CAST: variants seen among roughly 807,000 people sequenced by gnomAD.
CAST encodes calpastatin.
Under a neutral mutation model 119.6 loss-of-function variants are expected in CAST, and 76 were observed. That is an observed-to-expected ratio of 0.64 (90% CI 0.53 to 0.77). The LOEUF is 0.77. Ranked by LOEUF, CAST falls within the 30% of genes least tolerant of loss-of-function variation. The pLI is 0.00. For missense variants in CAST, 953 were observed against 946.5 expected (o/e 1.01, Z -0.09); for synonymous variants, 319 against 331.6 (o/e 0.96, Z 0.41).
the CAST span, among the ~76,000 whole-genome samples, chr5:96,159,211 G>T: frequency 6.6e-6 from 1 of 152,284 alleles, no homozygotes; most frequent in African/African-American, 2.4e-5. Flanking sequence ...ATATGGTCAA[G>T]GCATTTGCAT....
At chr5:95,980,647 A>T in the CAST span, 1 of 152,200 alleles carries the variant, frequency 6.6e-6, no homozygotes, top group African/African-American at 2.4e-5. Flanking sequence ...AGGCATGGAA[A>T]TACCTGCAGG....
chr5:96,046,959 C>G, the CAST span, among the ~76,000 whole-genome samples: 43 of 152,236 alleles, frequency 2.8e-4, no homozygotes, highest in Middle Eastern at 3.4e-3. Flanking sequence ...AATTACCTCC[C>G]CCTGGGTCCC....
chr5:96,095,785 C>A, the CAST span, among the ~76,000 whole-genome samples: 1 of 151,846 alleles, frequency 6.6e-6, no homozygotes, highest in African/African-American at 2.4e-5. Context: ...TTGACAAAGA[C>A]CCACTGAAAA....
chr5:96,058,377 T>C, the CAST span, among the ~76,000 whole-genome samples: 2 of 152,188 alleles, frequency 1.3e-5, no homozygotes, highest in African/African-American at 4.8e-5. Context: ...CTTTTGTGTT[T>C]GTGGCTGCAT....
At chr5:96,144,737 G>A in the CAST span, among the ~76,000 whole-genome samples, 7 of 151,104 alleles carry the variant, frequency 4.6e-5, no homozygotes, top group African/African-American at 1.7e-4. Flanking sequence ...GCGTGATCTC[G>A]GCTCACTACA....
chr5:96,276,407 C>A, the CAST span, among the ~76,000 whole-genome samples: 3 of 152,146 alleles, frequency 2.0e-5, no homozygotes, highest in African/African-American at 4.8e-5. Flanking sequence ...TGGTTTCCAA[C>A]GTGGCTTTTT....
chr5:96,409,314 C>G, the CAST span, among the ~76,000 whole-genome samples: 1 of 152,130 alleles, frequency 6.6e-6, no homozygotes, highest in Non-Finnish European at 1.5e-5. Context: ...CTATTATCAC[C>G]TCCATTGGCT....
At chr5:96,311,802 A>G in the CAST span, among the ~76,000 whole-genome samples, 1 of 152,004 alleles carries the variant, frequency 6.6e-6, no homozygotes, top group Admixed American at 6.6e-5. Flanking sequence ...GTATGTCCTT[A>G]AAAGTGAAGT....
At chr5:96,150,599 G>A in the CAST span, among the ~76,000 whole-genome samples, 1 of 152,180 alleles carries the variant, frequency 6.6e-6, no homozygotes, top group South Asian at 2.1e-4. Flanking sequence ...ATTGAGAATG[G>A]CCAGCCCTTC....
chr5:96,048,855 T>A, the CAST span, among the ~76,000 whole-genome samples: 1 of 152,070 alleles, frequency 6.6e-6, no homozygotes, highest in African/African-American at 2.4e-5. Flanking sequence ...AAGAGTAAAT[T>A]AGGTATCCAA....
At chr5:96,044,089 T>A in the CAST span, among the ~76,000 whole-genome samples, 1 of 152,212 alleles carries the variant, frequency 6.6e-6, no homozygotes, top group Non-Finnish European at 1.5e-5. Context: ...TAATACAATA[T>A]TTATGTTGCT....
chr5:96,752,700 A>T (rs1357752897), intron 20 of CAST, among the ~76,000 whole-genome samples: 1 of 150,148 alleles, frequency 6.7e-6, no homozygotes, highest in Non-Finnish European at 1.5e-5. Context: ...TCAGAAAAAC[A>T]GCTTTTCTTA....
chr5:96,410,696 G>T, the CAST span: 1 of 1,149,536 alleles, frequency 8.7e-7, no homozygotes, highest in Non-Finnish European at 1.3e-6. Context: ...TCGTACCAAA[G>T]GTCAGTTAGG....
At chr5:96,754,365 C>T (rs1765821373) in intron 21 of CAST, among the ~76,000 whole-genome samples, 1 of 152,206 alleles carries the variant, frequency 6.6e-6, no homozygotes, top group Non-Finnish European at 1.5e-5. Context: ...GGTCGACATG[C>T]ACAGACCGGA....
chr5:96,352,345 G>A, the CAST span, among the ~76,000 whole-genome samples: 1 of 152,144 alleles, frequency 6.6e-6, no homozygotes, highest in Non-Finnish European at 1.5e-5. Context: ...TACTTCACCT[G>A]ACTCATGAAA....
At position 96,767,490 on chromosome 5, in the gene CAST, C is replaced by G. The variant is rs774055874; in HGVS notation, c.2175+8C>G. On this transcript the variant is annotated splice_region_variant and intron_variant, in intron 28 of 31. Coordinates refer to ENST00000675179, the MANE Select transcript of CAST (RefSeq NM_001750.7). ...AAATCAGAGGATTCAAAGGTAAAGA[C>G]CATAGGAACATATTTCCATTAAATT... The G allele has an allele frequency of 4.3e-6, 7 of 1,609,302 alleles. No individual in the cohort carries two copies. In the Admixed American group the frequency reaches 1.2e-4, roughly 27 times the overall value.
intron 6 of CAST, chr5:96,728,660 G>A (rs541574332): frequency 2.0e-5 from 3 of 152,430 alleles, no homozygotes; most frequent in Non-Finnish European, 4.4e-5. Context: ...TGTATTTTTA[G>A]TAGAGACGGG....
intron 3 of CAST, among the ~76,000 whole-genome samples, chr5:96,709,159 A>G (rs1440659872): frequency 2.0e-5 from 3 of 152,234 alleles, no homozygotes; most frequent in Non-Finnish European, 4.4e-5. Context: ...TCTCATGCAT[A>G]TGCATTTTTA....
At chr5:96,311,829 G>A in the CAST span, among the ~76,000 whole-genome samples, 1 of 151,836 alleles carries the variant, frequency 6.6e-6, no homozygotes, top group African/African-American at 2.4e-5. Context: ...CTTATAGGCA[G>A]CATATAATTG....
Sources: gnomAD v4.1 joint callset for allele counts (sites outside exome capture counted in the v4.1 genomes callset) on GRCh38, gnomAD v4.1.1 for gene constraint, MANE v1.5 for transcripts, NCBI Gene and HGNC (gene_info 2026-07-23, HGNC 2026-07-21) for gene names.